PLEKHA7: variants seen among roughly 807,000 people sequenced by gnomAD.
PLEKHA7 encodes the protein pleckstrin homology domain-containing family A member 7.
PLEKHA7 carries 104 observed loss-of-function variants against 170.0 expected under a neutral mutation model. That is an observed-to-expected ratio of 0.61 (90% CI 0.52 to 0.72). PLEKHA7 has a LOEUF of 0.72. Among genes scored for constraint, PLEKHA7 ranks in the 30% least tolerant of loss-of-function variants. PLEKHA7 has a pLI of 0.00. For missense variants in PLEKHA7, 1,615 were observed against 1,671.7 expected (o/e 0.97, Z 0.59); for synonymous variants, 648 against 660.8 (o/e 0.98, Z 0.30).
intron 3 of PLEKHA7, among the ~76,000 whole-genome samples, chr11:16,986,202 G>A (rs960427888): frequency 2.0e-5 from 3 of 152,186 alleles, no homozygotes; most frequent in Non-Finnish European, 1.5e-5. Flanking sequence ...TCATCAGGAA[G>A]CATATCAGGA....
At chr11:16,991,697 C>T (rs1307222408) in intron 3 of PLEKHA7, among the ~76,000 whole-genome samples, 3 of 152,144 alleles carry the variant, frequency 2.0e-5, no homozygotes, top group Non-Finnish European at 4.4e-5. Context: ...ACGTGGGCCT[C>T]ATGGGCCACG....
chr11:16,930,475 A>C (rs1859850422), intron 3 of PLEKHA7, among the ~76,000 whole-genome samples: 1 of 152,174 alleles, frequency 6.6e-6, no homozygotes, highest in African/African-American at 2.4e-5. Flanking sequence ...ATAAAAATAC[A>C]ATAGGCAAAA....
At chr11:16,944,152 G>A (rs767405584) in intron 3 of PLEKHA7, among the ~76,000 whole-genome samples, 12 of 151,986 alleles carry the variant, frequency 7.9e-5, no homozygotes, top group Non-Finnish European at 1.6e-4. Flanking sequence ...TCAGGAGTTC[G>A]AGACTAGCCT....
chr11:16,842,218 A>C (rs1481457991), intron 8 of PLEKHA7: 3 of 152,894 alleles, frequency 2.0e-5, no homozygotes, highest in Non-Finnish European at 2.9e-5. Context: ...TCCTCAAAGA[A>C]GCTGCTGTTC....
intron 3 of PLEKHA7, among the ~76,000 whole-genome samples, chr11:16,935,750 G>A (rs529107292): frequency 6.6e-6 from 1 of 152,318 alleles, no homozygotes; most frequent in East Asian, 1.9e-4. Flanking sequence ...ATCCCCATGT[G>A]CAAGCAGCAC....
intron 3 of PLEKHA7, among the ~76,000 whole-genome samples, chr11:16,903,183 T>C (rs1269669136): frequency 6.6e-6 from 1 of 152,194 alleles, no homozygotes; most frequent in Non-Finnish European, 1.5e-5. Flanking sequence ...GAGAATAACT[T>C]CTCACTACTG....
intron 4 of PLEKHA7, among the ~76,000 whole-genome samples, chr11:16,856,208 A>G (rs1853437526): frequency 6.6e-6 from 1 of 152,146 alleles, no homozygotes; most frequent in South Asian, 2.1e-4. Flanking sequence ...CACTCTCTTA[A>G]TCAGGTGTCT....
chr11:16,855,715 T>C, intron 5 of PLEKHA7, 88 bp downstream of exon 5: 1 of 986,332 alleles, frequency 1.0e-6, no homozygotes, highest in Non-Finnish European at 1.6e-6. Flanking sequence ...CACAAAACTA[T>C]AGTGAAGATC....
In PLEKHA7 at chr11:16,791,474, G is replaced by C; in HGVS notation, c.2746-275C>G. 8.2e-6 allele frequency: 5 copies of C among 609,418 alleles called. No homozygotes were observed. The highest frequency in any genetic ancestry group is 8.0e-5 in the South Asian group (5 of 62,452). The allele number at this position is 609,418 out of a possible 1,614,324, so 37.8% of individuals were successfully genotyped here. A position where few individuals can be genotyped will look rare whatever the true frequency, so the allele number is the denominator to read the frequency against. On this transcript the variant is annotated intron_variant, in intron 19 of 26. Transcript: ENST00000531066. This position sits in a 1 kb window ranked among gnomAD's most constrained non-coding sequence, Gnocchi z 4.5. ...CTGAAACCCAGGACTCAGGTCTCCTGGGTCCATGCCCTCGGTGCTGTGCTG... is the reference window on the plus strand; with the variant it reads ...CTGAAACCCAGGACTCAGGTCTCCTCGGTCCATGCCCTCGGTGCTGTGCTG...
chr11:16,790,099 G>A, intron 21 of PLEKHA7: 1 of 558,634 alleles, frequency 1.8e-6, no homozygotes, highest in Admixed American at 3.1e-5. Context: ...CAGTGTCCCT[G>A]CAGATCTGTG....
At chr11:16,997,144 C>A (rs1864390511) in intron 3 of PLEKHA7, among the ~76,000 whole-genome samples, 1 of 152,084 alleles carries the variant, frequency 6.6e-6, no homozygotes, top group African/African-American at 2.4e-5. Flanking sequence ...TCTGTATTCA[C>A]CCCAGGTCAC....
intron 13 of PLEKHA7, among the ~76,000 whole-genome samples, chr11:16,804,892 G>GGC (rs1165809771): frequency 3.8e-4 from 58 of 152,270 alleles, no homozygotes; most frequent in African/African-American, 1.3e-3. Flanking sequence ...TGCAATGCGG[G>GGC]GGGGGCGGTG....
intron 3 of PLEKHA7, among the ~76,000 whole-genome samples, chr11:16,931,206 C>A (rs925741293): frequency 6.6e-6 from 1 of 152,108 alleles, no homozygotes; most frequent in Admixed American, 6.5e-5. Context: ...AACAACCCCA[C>A]GTTAGAAATG....
At chr11:16,808,792 A>G (rs1849160333) in intron 13 of PLEKHA7, among the ~76,000 whole-genome samples, 1 of 152,194 alleles carries the variant, frequency 6.6e-6, no homozygotes, top group African/African-American at 2.4e-5. Context: ...TGACTCAGCT[A>G]AGGTATAGGG....
chr11:16,857,875 A>G (rs1210121359), intron 4 of PLEKHA7, among the ~76,000 whole-genome samples: 2 of 152,142 alleles, frequency 1.3e-5, no homozygotes, highest in Admixed American at 6.5e-5. Flanking sequence ...CTTGCCACCA[A>G]GCCCAGCTAT....
chr11:16,863,183 G>A (rs1854111750), intron 4 of PLEKHA7, among the ~76,000 whole-genome samples: 1 of 152,010 alleles, frequency 6.6e-6, no homozygotes, highest in South Asian at 2.1e-4. Flanking sequence ...GTCTCACCCT[G>A]CAACCTGCAA....
intron 8 of PLEKHA7, among the ~76,000 whole-genome samples, chr11:16,849,887 A>G (rs1196708827): frequency 1.3e-5 from 2 of 152,222 alleles, no homozygotes; most frequent in Admixed American, 6.5e-5. Flanking sequence ...CACTCGAGGG[A>G]AACACAGGAA....
chr11:16,824,829 G>A (rs796549563), intron 10 of PLEKHA7, among the ~76,000 whole-genome samples: 10 of 152,196 alleles, frequency 6.6e-5, no homozygotes, highest in African/African-American at 2.2e-4. Context: ...CATTACCCCT[G>A]CCAACTTTCC....
At chr11:17,010,672 G>A (rs1865273261) in intron 3 of PLEKHA7, among the ~76,000 whole-genome samples, 1 of 152,204 alleles carries the variant, frequency 6.6e-6, no homozygotes, top group Admixed American at 6.5e-5. Context: ...AATACATCCT[G>A]TAAAACCTCA....
Sources: gnomAD v4.1 joint callset for allele counts (sites outside exome capture counted in the v4.1 genomes callset) on GRCh38, gnomAD v4.1.1 for gene constraint, Gnocchi (gnomAD v3.1) non-coding constraint, MANE v1.5 for transcripts, NCBI Gene and HGNC (gene_info 2026-07-23, HGNC 2026-07-21) for gene names.